Variants in MAGI2 observed in about 807,000 individuals in gnomAD.
The protein encoded by MAGI2 is membrane associated guanylate kinase, WW and PDZ domain containing 2, also known as membrane-associated guanylate kinase, WW and PDZ domain-containing protein 2.
In MAGI2, 35 loss-of-function variants were observed where a neutral mutation model predicts 133.3. The observed-to-expected ratio is 0.26, with a 90% CI of 0.20 to 0.35. The LOEUF is 0.35. Among genes scored for constraint, MAGI2 ranks in the 10% least tolerant of loss-of-function variants. The probability of loss-of-function intolerance (pLI) is 1.00; values close to 1 mark genes in which losing one functional copy is unlikely to be tolerated. For missense variants in MAGI2, 1,636 were observed against 1,863.4 expected (o/e 0.88, Z 2.25); for synonymous variants, 729 against 710.6 (o/e 1.03, Z -0.41).
chr7:78,505,253 A>G (rs1159309376), intron 4 of MAGI2, among the ~76,000 whole-genome samples: 1 of 152,186 alleles, frequency 6.6e-6, no homozygotes, highest in Non-Finnish European at 1.5e-5. Flanking sequence ...TAAAGTATCT[A>G]TTAGAAATAC....
At chr7:78,590,267 G>A (rs534734002) in intron 3 of MAGI2, among the ~76,000 whole-genome samples, 4 of 152,146 alleles carry the variant, frequency 2.6e-5, no homozygotes, top group Admixed American at 2.0e-4. Context: ...CGCTAATTCT[G>A]CCTTCTTCTC....
chr7:78,711,801 A>G (rs113325801), intron 2 of MAGI2, among the ~76,000 whole-genome samples: 3 of 152,328 alleles, frequency 2.0e-5, no homozygotes, highest in African/African-American at 7.2e-5. Flanking sequence ...TTTTCACAGA[A>G]TAAGGCAGCT....
chr7:78,573,306 A>AAATATATATATT (rs1801872436), intron 3 of MAGI2, among the ~76,000 whole-genome samples: 1 of 48,880 alleles, frequency 2.0e-5, no homozygotes, highest in East Asian at 4.9e-4. Flanking sequence ...ATATATTTAT[A>AAATATATATATT]TATATAAATA....
intron 9 of MAGI2, 74 bp downstream of exon 9, chr7:78,343,704 A>T: frequency 8.4e-7 from 1 of 1,189,926 alleles, no homozygotes; most frequent in African/African-American, 1.6e-5. Context: ...TAAAAACACA[A>T]AAGAAGCTCC....
intron 1 of MAGI2, among the ~76,000 whole-genome samples, chr7:79,123,472 T>C (rs1223605228): frequency 6.6e-6 from 1 of 152,156 alleles, no homozygotes; most frequent in Admixed American, 6.6e-5. Flanking sequence ...CCTACCCTAT[T>C]GGCTTGCTGT....
At chr7:78,279,805 A>C (rs1329349479) in intron 9 of MAGI2, among the ~76,000 whole-genome samples, 1 of 152,144 alleles carries the variant, frequency 6.6e-6, no homozygotes, top group African/African-American at 2.4e-5. Context: ...ATTTAGTGAA[A>C]ATTCTTGCTT....
intron 1 of MAGI2, chr7:79,411,495 G>C (rs1422260285): frequency 6.6e-6 from 1 of 152,156 alleles, no homozygotes; most frequent in Non-Finnish European, 1.5e-5. Flanking sequence ...AAGGCAAACA[G>C]GTGTTCTCCA....
intron 6 of MAGI2, among the ~76,000 whole-genome samples, chr7:78,461,393 CGTGTGTGTGT>C (rs10654835): frequency 0.11 from 15,581 of 138,048 alleles, 979 homozygotes; most frequent in Non-Finnish European, 0.15. Flanking sequence ...CGTGTGTGTG[CGTGTGTGTGT>C]GTGTGTGTGT....
chr7:78,768,215 T>G lies in MAGI2; in HGVS notation c.419-140976A>C, dbSNP rs559144643. On this transcript the variant is annotated intron_variant, in intron 2 of 21. Coordinates refer to ENST00000354212, the MANE Select transcript of MAGI2 (RefSeq NM_012301.4). Reference sequence around the variant, plus strand: ...TGAAATTTCTCTGGGTAAAACCACCTCACCTGTAGTCATTAACAATATTTA... The same window carrying G: ...TGAAATTTCTCTGGGTAAAACCACCGCACCTGTAGTCATTAACAATATTTA... 9.2e-5 allele frequency among the ~76,000 whole-genome samples: 14 copies of G among 152,324 alleles called. No homozygotes were observed. In the South Asian group the frequency reaches 2.9e-3, roughly 32 times the overall value.
chr7:78,630,958 T>C (rs1023446914), intron 2 of MAGI2, among the ~76,000 whole-genome samples: 2 of 152,126 alleles, frequency 1.3e-5, no homozygotes, highest in Non-Finnish European at 2.9e-5. Context: ...GGAGTCACTT[T>C]GCCTCTGTCT....
chr7:78,723,374 T>C (rs747546432), intron 2 of MAGI2, among the ~76,000 whole-genome samples: 2 of 152,156 alleles, frequency 1.3e-5, no homozygotes, highest in Non-Finnish European at 2.9e-5. Flanking sequence ...CATTTGTAAG[T>C]GTGGGCAGAG....
chr7:78,557,097 A>AAAAAAAAAAAAAAG (rs1554473311), intron 3 of MAGI2, among the ~76,000 whole-genome samples: 2 of 138,960 alleles, frequency 1.4e-5, no homozygotes, highest in South Asian at 2.3e-4. Flanking sequence ...AAAAAAAAAA[A>AAAAAAAAAAAAAAG]AAAGAAAAAG....
chr7:78,627,254 G>A lies in MAGI2; in HGVS notation c.419-15C>T, dbSNP rs891099878. The A allele has an allele frequency of 9.9e-6, 15 of 1,515,420 alleles. No homozygotes were observed. Among genetic ancestry groups the A allele is most frequent in the Non-Finnish European group, 1.3e-5 (15 of 1,135,988 alleles). The allele number at this position is 1,515,420 out of a possible 1,614,324, so 93.9% of individuals were successfully genotyped here. A position where few individuals can be genotyped will look rare whatever the true frequency, so the allele number is the denominator to read the frequency against. On this transcript the variant is annotated splice_polypyrimidine_tract_variant and intron_variant, in intron 2 of 21. Transcript: ENST00000354212. ...CCTTGTGGTGCCTGAATAAAGAAAA[G>A]TAAAAACAAAAGAAAGACGCTAAGT...
At chr7:79,358,403 T>C (rs192241418) in intron 1 of MAGI2, among the ~76,000 whole-genome samples, 1 of 152,100 alleles carries the variant, frequency 6.6e-6, no homozygotes, top group Non-Finnish European at 1.5e-5. Flanking sequence ...CTAGGTAACT[T>C]AAAGGCCTAT....
At chr7:78,167,646 G>A (rs900708810) in intron 15 of MAGI2, among the ~76,000 whole-genome samples, 2 of 152,152 alleles carry the variant, frequency 1.3e-5, no homozygotes, top group African/African-American at 4.8e-5. Context: ...AGAAAGCAGA[G>A]AGCATACATA....
chr7:78,454,001 C>T (rs1431736157), intron 6 of MAGI2, among the ~76,000 whole-genome samples: 1 of 151,992 alleles, frequency 6.6e-6, no homozygotes, highest in Admixed American at 6.6e-5. Flanking sequence ...ATTGGGATAC[C>T]TATCACCCAA....
At chr7:78,336,141 G>A (rs1789734490) in intron 9 of MAGI2, among the ~76,000 whole-genome samples, 1 of 152,158 alleles carries the variant, frequency 6.6e-6, no homozygotes, top group African/African-American at 2.4e-5. Context: ...GACATTTTAA[G>A]CATGATAAAT....
At chr7:78,924,671 C>G (rs1380645763) in intron 2 of MAGI2, among the ~76,000 whole-genome samples, 1 of 151,846 alleles carries the variant, frequency 6.6e-6, no homozygotes, top group African/African-American at 2.4e-5. Context: ...TTGGTTGTGT[C>G]TCTGCCTGGC....
chr7:78,273,151 C>T (rs189995802), intron 9 of MAGI2, among the ~76,000 whole-genome samples: 115 of 152,290 alleles, frequency 7.6e-4, no homozygotes, highest in Non-Finnish European at 1.4e-3. Flanking sequence ...GACAAAATCT[C>T]TCAGCATTTG....
Sources: gnomAD v4.1 joint callset for allele counts (sites outside exome capture counted in the v4.1 genomes callset) on GRCh38, gnomAD v4.1.1 for gene constraint, MANE v1.5 for transcripts, NCBI Gene and HGNC (gene_info 2026-07-23, HGNC 2026-07-21) for gene names.